The following XRCC4 variants were observed in gnomAD, a reference collection of about 807,000 sequenced individuals.
XRCC4 encodes the protein X-ray repair cross complementing 4, also known as DNA repair protein XRCC4.
In XRCC4, 28 loss-of-function variants were observed where a neutral mutation model predicts 39.1. The observed-to-expected ratio is 0.72, with a 90% CI of 0.53 to 0.98. XRCC4 has a LOEUF of 0.98. Ranked by LOEUF, XRCC4 falls within the 50% of genes least tolerant of loss-of-function variation. XRCC4 has a pLI of 0.00. For synonymous variants in XRCC4, 123 were observed against 126.4 expected, an observed-to-expected ratio of 0.97 and a Z score of 0.18; for missense variants, 350 against 376.4, an observed-to-expected ratio of 0.93 and a Z score of 0.58.
intron 7 of XRCC4, among the ~76,000 whole-genome samples, chr5:83,346,360 T>C (rs1246924918): frequency 1.3e-5 from 2 of 152,182 alleles, no homozygotes; most frequent in South Asian, 4.1e-4. Context: ...AAAATTTCTA[T>C]TGAGATTCAG....
chr5:83,123,014 G>A (rs577801122), intron 3 of XRCC4, among the ~76,000 whole-genome samples: 12 of 130,674 alleles, frequency 9.2e-5, no homozygotes, highest in Non-Finnish European at 1.5e-4. Context: ...ATTTTTGGGT[G>A]TTATTAGATG....
chr5:83,200,178 C>T (rs936795013), intron 4 of XRCC4, among the ~76,000 whole-genome samples: 31 of 152,226 alleles, frequency 2.0e-4, no homozygotes, highest in African/African-American at 6.7e-4. Flanking sequence ...TACGACATAC[C>T]TCTTAGTTAC....
intron 1 of XRCC4, among the ~76,000 whole-genome samples, chr5:83,086,267 A>G (rs1012491032): frequency 2.6e-5 from 4 of 152,128 alleles, no homozygotes; most frequent in African/African-American, 9.7e-5. Flanking sequence ...AGGGATGCCA[A>G]CCTCTCACGC....
At chr5:83,219,422 C>CA (rs2112783259) in intron 6 of XRCC4, among the ~76,000 whole-genome samples, 1 of 152,106 alleles carries the variant, frequency 6.6e-6, no homozygotes, top group East Asian at 1.9e-4. Context: ...GACCATATTC[C>CA]AAAAATGATT....
chr5:83,305,165 C>G (rs1312727529), intron 7 of XRCC4, among the ~76,000 whole-genome samples: 1 of 152,028 alleles, frequency 6.6e-6, no homozygotes, highest in Non-Finnish European at 1.5e-5. Context: ...GTACAGAGTT[C>G]CCATATACCT....
At chr5:83,358,864 T>C in the XRCC4 span, among the ~76,000 whole-genome samples, 1 of 152,146 alleles carries the variant, frequency 6.6e-6, no homozygotes, top group Admixed American at 6.6e-5. Context: ...AAAAGCAATG[T>C]GGTGGGACAG....
chr5:83,186,310 A>G (rs1317092474), intron 3 of XRCC4, among the ~76,000 whole-genome samples: 2 of 152,212 alleles, frequency 1.3e-5, no homozygotes, highest in Non-Finnish European at 2.9e-5. Context: ...CATTCTTGGA[A>G]GGATCTGCAA....
At chr5:83,141,061 A>G (rs1748147478) in intron 3 of XRCC4, among the ~76,000 whole-genome samples, 1 of 152,228 alleles carries the variant, frequency 6.6e-6, no homozygotes, top group Non-Finnish European at 1.5e-5. Flanking sequence ...GTAGTACGCT[A>G]TAAACACAAT....
chr5:83,301,717 T>G (rs1265562173), intron 7 of XRCC4, among the ~76,000 whole-genome samples: 1 of 152,242 alleles, frequency 6.6e-6, no homozygotes, highest in Non-Finnish European at 1.5e-5. Flanking sequence ...GGTTTTACAT[T>G]TAAGTCTTTA....
intron 7 of XRCC4, among the ~76,000 whole-genome samples, chr5:83,259,787 A>T (rs1289977111): frequency 6.6e-6 from 1 of 151,944 alleles, no homozygotes; most frequent in Non-Finnish European, 1.5e-5. Flanking sequence ...AGTCTACATA[A>T]ACTAAAATGT....
At position 83,195,758 on chromosome 5, in the gene XRCC4, C is replaced by T; in HGVS notation, c.316-12C>T. The T allele has an allele frequency of 6.5e-7, 1 of 1,534,390 alleles. No homozygotes were observed. The highest frequency in any genetic ancestry group is 1.3e-5 in the South Asian group (1 of 76,028). On this transcript the variant is annotated splice_polypyrimidine_tract_variant and intron_variant, in intron 3 of 7. Transcript: ENST00000396027. ...TTTTCCCCAAATTAACCATGTTTTT[C>T]TTTCATTTTAGTTCAGACTTGGTTC...
At chr5:83,145,644 T>G (rs1748417747) in intron 3 of XRCC4, among the ~76,000 whole-genome samples, 2 of 152,212 alleles carry the variant, frequency 1.3e-5, no homozygotes, top group African/African-American at 2.4e-5. Context: ...TCTTCCTTTC[T>G]AAAATTGTCT....
chr5:83,287,479 C>T (rs549291668), intron 7 of XRCC4, among the ~76,000 whole-genome samples: 2 of 152,094 alleles, frequency 1.3e-5, no homozygotes, highest in South Asian at 4.2e-4. Flanking sequence ...AGAAAACTTA[C>T]TATTTTATAA....
chr5:83,218,866 A>T (rs1016291264), intron 6 of XRCC4, among the ~76,000 whole-genome samples: 2 of 152,122 alleles, frequency 1.3e-5, no homozygotes, highest in African/African-American at 4.8e-5. Flanking sequence ...AAAATTTTCT[A>T]TGTTTATCTG....
At chr5:83,128,501 G>C (rs1398372066) in intron 3 of XRCC4, among the ~76,000 whole-genome samples, 1 of 152,096 alleles carries the variant, frequency 6.6e-6, no homozygotes, top group Non-Finnish European at 1.5e-5. Context: ...TAATGGGATG[G>C]CTGGGTCAAA....
chr5:83,371,535 A>C, the XRCC4 span, among the ~76,000 whole-genome samples: 1 of 152,298 alleles, frequency 6.6e-6, no homozygotes, highest in South Asian at 2.1e-4. Context: ...TGTCAGATGC[A>C]TCTGAGAGAG....
At chr5:83,293,912 T>C (rs1182139843) in intron 7 of XRCC4, among the ~76,000 whole-genome samples, 1 of 152,082 alleles carries the variant, frequency 6.6e-6, no homozygotes, top group East Asian at 1.9e-4. Context: ...AAATAACTGA[T>C]GTATCAGTAT....
intron 5 of XRCC4, among the ~76,000 whole-genome samples, chr5:83,204,085 T>C (rs1026665556): frequency 6.6e-6 from 1 of 152,198 alleles, no homozygotes; most frequent in Non-Finnish European, 1.5e-5. Context: ...ATCAAGTGGT[T>C]AATATTAAAT....
intron 3 of XRCC4, among the ~76,000 whole-genome samples, chr5:83,176,301 G>T (rs1292077162): frequency 6.6e-6 from 1 of 152,046 alleles, no homozygotes; most frequent in Non-Finnish European, 1.5e-5. Flanking sequence ...TGGGTAGATG[G>T]TTAGACAGAA....
Sources: gnomAD v4.1 joint callset for allele counts (sites outside exome capture counted in the v4.1 genomes callset) on GRCh38, gnomAD v4.1.1 for gene constraint, MANE v1.5 for transcripts, NCBI Gene and HGNC (gene_info 2026-07-23, HGNC 2026-07-21) for gene names.